The following CSTF1 variants were observed in gnomAD, a reference collection of about 807,000 sequenced individuals.
CSTF1 encodes CF-1 50 kDa subunit.
Under a neutral mutation model 40.9 loss-of-function variants are expected in CSTF1, and 2 were observed. That is an observed-to-expected ratio of 0.05 (90% CI 0.02 to 0.15). The LOEUF (loss-of-function observed/expected upper bound fraction) is 0.15, where lower values mean the gene tolerates loss of function less well. CSTF1 is among the 10% of genes least tolerant of loss of function. The probability of loss-of-function intolerance (pLI) is 1.00; values close to 1 mark genes in which losing one functional copy is unlikely to be tolerated. For missense variants in CSTF1, 279 were observed against 558.9 expected (o/e 0.50, Z 5.05); for synonymous variants, 218 against 207.2 (o/e 1.05, Z -0.45).
chr20:56,397,388 T>C lies in CSTF1; in HGVS notation c.351T>C (p.Ser117=). Residue 117 remains serine, a synonymous_variant, in exon 3 of 6, where the codon AGT becomes AGC. Coordinates refer to ENST00000217109, the MANE Select transcript of CSTF1 (RefSeq NM_001324.3). This position sits in a 1 kb window ranked among gnomAD's most constrained non-coding sequence, Gnocchi z 4.4. ...HKGPCRVATY[S]RDGQLIATGS... ...GACCATGCCGTGTAGCTACCTATAG[T>C]AGAGATGGACAGTTAATAGCTACTG... is the stretch of plus-strand genomic sequence containing the variant. The C allele has an allele frequency of 6.2e-7, 1 of 1,614,164 alleles. No homozygotes were observed. The highest frequency in any genetic ancestry group is 8.5e-7 in the Non-Finnish European group (1 of 1,180,028).
chr20:56,397,065 A>G lies in CSTF1; in HGVS notation c.170-142A>G, dbSNP rs1600729287. On this transcript the variant is annotated intron_variant, in intron 2 of 5. Coordinates refer to ENST00000217109, the MANE Select transcript of CSTF1 (RefSeq NM_001324.3). This position sits in a 1 kb window ranked among gnomAD's most constrained non-coding sequence, Gnocchi z 4.4. ...GCATGGGCAAAATACACAGTTTTGT[A>G]AAGTGTTAGGTGTCACGCGGCTCCA... 1.2e-6 allele frequency: 1 copy of G among 834,850 alleles called. No individual in the cohort carries two copies. The highest frequency in any genetic ancestry group is 1.8e-5 in the South Asian group (1 of 56,068). The allele number at this position is 834,850 out of a possible 1,614,324, so 51.7% of individuals were successfully genotyped here.
At chr20:56,402,136 A>G (rs1978481133) in intron 5 of CSTF1, among the ~76,000 whole-genome samples, 1 of 152,020 alleles carries the variant, frequency 6.6e-6, no homozygotes, top group Admixed American at 6.6e-5. Context: ...GTGAAACCCC[A>G]TCTCTACTAA....
rs768060780 is a variant in CSTF1, at chr20:56,403,661, C to T, written c.1230C>T (p.Pro410=). The T allele has an allele frequency of 5.0e-6, 8 of 1,613,934 alleles. No individual in the cohort carries two copies. Among genetic ancestry groups the T allele is most frequent in the East Asian group, 2.2e-5 (1 of 44,868 alleles). ...VRCIVHSPTN[P]GFMTCSDDFR... is the part of the protein sequence containing the mutation. ...GCATAGTGCACTCCCCCACCAACCC[C>T]GGGTTCATGACGTGCAGCGATGACT... Residue 410 remains proline, a synonymous_variant, in exon 6 of 6, where the codon CCC becomes CCT. Transcript: ENST00000217109.
intron 5 of CSTF1, among the ~76,000 whole-genome samples, chr20:56,400,914 C>G (rs1364848901): frequency 6.6e-6 from 1 of 152,110 alleles, no homozygotes; most frequent in East Asian, 1.9e-4. Context: ...TGGCGGGCGC[C>G]TGTAGTCCCA....
chr20:56,406,070 CT>C lies in CSTF1; in HGVS notation c.*2347del, dbSNP rs1600735043. The C allele has an allele frequency of 6.6e-6, 1 of 152,082 alleles. No individual in the cohort carries two copies. The highest frequency in any genetic ancestry group is 2.4e-5 in the African/African-American group (1 of 41,414). The allele number at this position is 152,082 out of a possible 1,614,324, so 9.4% of individuals were successfully genotyped here. A position where few individuals can be genotyped will look rare whatever the true frequency, so the allele number is the denominator to read the frequency against. ...GACCTGTTTTTAAAAGATCAAGATACTTTTATGTGTTTCAGAAGTAGCTGTT... is the reference window on the plus strand; with the variant it reads ...GACCTGTTTTTAAAAGATCAAGATACTTTATGTGTTTCAGAAGTAGCTGTT... On this transcript the variant is annotated 3_prime_UTR_variant, in exon 6 of 6. Coordinates refer to ENST00000217109, the MANE Select transcript of CSTF1 (RefSeq NM_001324.3).
intron 1 of CSTF1, among the ~76,000 whole-genome samples, chr20:56,393,955 AT>A (rs1368505953): frequency 2.6e-5 from 4 of 152,092 alleles, no homozygotes; most frequent in Non-Finnish European, 5.9e-5. Context: ...TTGGGCTGGC[AT>A]TTCCTGAACT....
At chr20:56,395,484 G>C (rs1987490905) in intron 1 of CSTF1, 37 bp from the exon 2 acceptor site, 5 of 1,413,548 alleles carry the variant, frequency 3.5e-6, no homozygotes, top group Non-Finnish European at 3.9e-6. Context: ...ATTTACTAGA[G>C]CCTGTACCCT....
At chr20:56,400,419 C>T (rs1978400555) in intron 5 of CSTF1, among the ~76,000 whole-genome samples, 1 of 151,930 alleles carries the variant, frequency 6.6e-6, no homozygotes, top group Admixed American at 6.6e-5. Context: ...GTGTTTGTTG[C>T]AAAAAGAAGA....
At chr20:56,396,192 C>G (rs1987513862) in intron 2 of CSTF1, among the ~76,000 whole-genome samples, 1 of 152,126 alleles carries the variant, frequency 6.6e-6, no homozygotes, top group Non-Finnish European at 1.5e-5. Context: ...GCCCCCTTGT[C>G]AAAAAAGACT....
Position 56,405,765 on chromosome 20 carries a change from A to G in CSTF1, c.*2038A>G, listed in dbSNP as rs1468812561. The G allele has an allele frequency of 6.6e-6, 1 of 152,222 alleles. No homozygotes were observed. Among genetic ancestry groups the G allele is most frequent in the African/African-American group, 2.4e-5 (1 of 41,468 alleles). The allele number at this position is 152,222 out of a possible 1,614,324, so 9.4% of individuals were successfully genotyped here. ...GGCCATCTGTGGGTGCTACTCTCGT[A>G]AGACTAAAAGGCACCTACTAAATAC... On this transcript the variant is annotated 3_prime_UTR_variant, in exon 6 of 6. Transcript: ENST00000217109.
chr20:56,406,267 A>G lies in CSTF1; in HGVS notation c.*2540A>G, dbSNP rs1978700023. The G allele has an allele frequency of 6.6e-6, 1 of 152,060 alleles. No homozygotes were observed. Among genetic ancestry groups the G allele is most frequent in the Non-Finnish European group, 1.5e-5 (1 of 68,004 alleles). 9.4% of individuals were successfully genotyped at this position (152,060 alleles called of 1,614,324 possible). A position where few individuals can be genotyped will look rare whatever the true frequency, so the allele number is the denominator to read the frequency against. On this transcript the variant is annotated 3_prime_UTR_variant, in exon 6 of 6. Coordinates refer to ENST00000217109, the MANE Select transcript of CSTF1 (RefSeq NM_001324.3). ...GTACCACACAACACTCTGCCATTCA[A>G]ATAATGAATATCTGGTCAGGATACG...
At position 56,402,267 on chromosome 20, in the gene CSTF1, A is replaced by G. The variant is rs532659006; in HGVS notation, c.1037-1201A>G. On this transcript the variant is annotated intron_variant, in intron 5 of 5. Coordinates refer to ENST00000217109, the MANE Select transcript of CSTF1 (RefSeq NM_001324.3). ...GGTTGCAGTGAGCCGAGATCACACCATTGCACTCCAGCCTGGGCAACAGAG... is the reference window on the plus strand; with the variant it reads ...GGTTGCAGTGAGCCGAGATCACACCGTTGCACTCCAGCCTGGGCAACAGAG... Among the ~76,000 whole-genome samples the G allele has an allele frequency of 1.0e-3, 158 of 151,446 alleles. 1 individual carries two copies. The highest frequency in any genetic ancestry group is 1.9e-3 in the Non-Finnish European group (126 of 67,912).
rs531187141 is a variant in CSTF1 at position 56,397,300 on chromosome 20, A to T, written c.263A>T (p.Asp88Val). Residue 88 changes from aspartate (D) to valine (V), a missense_variant, in exon 3 of 6, where the codon GAT becomes GTT. By Grantham distance (152) the Asp-to-Val change is radical. Around this residue, in one of 4 missense-constraint regions of CSTF1, gnomAD observed 66 missense variants for 148.0 expected, o/e 0.45. Transcript: ENST00000217109. This position sits in a 1 kb window ranked among gnomAD's most constrained non-coding sequence, Gnocchi z 4.4. ...GGGATTGACCTGGAATTTGATGCAG[A>T]TGTTCAGACTATGTCCCCAGAGGCT... ...GTGIDLEFDADVQTMSPEASE... is the reference protein window; with the variant it reads ...GTGIDLEFDAVVQTMSPEASE... 1 of 1,614,222 alleles carries T rather than the reference A, an allele frequency of 6.2e-7. No homozygotes were observed. Among genetic ancestry groups the T allele is most frequent in the Admixed American group, 1.7e-5 (1 of 60,030 alleles).
At chr20:56,395,419 G>A (rs1184669169) in intron 1 of CSTF1, 102 bp from the exon 2 acceptor site, 1 of 671,344 alleles carries the variant, frequency 1.5e-6, no homozygotes, top group Non-Finnish European at 2.4e-6. Context: ...AGTAGAGATG[G>A]GATTTGAGTC....
chr20:56,397,012 G>A lies in CSTF1; in HGVS notation c.170-195G>A. ...AGCCTAACCTTCCAGCAACCCATGT[G>A]GCCTCACAGCGTGGTGAACTTTGAA... On this transcript the variant is annotated intron_variant, in intron 2 of 5. Coordinates refer to ENST00000217109, the MANE Select transcript of CSTF1 (RefSeq NM_001324.3). The surrounding 1 kb of genome is among the most constrained non-coding windows in gnomAD (Gnocchi z 4.4). The A allele has an allele frequency of 1.7e-6, 1 of 581,250 alleles. No individual in the cohort carries two copies. Among genetic ancestry groups the A allele is most frequent in the Non-Finnish European group, 3.0e-6 (1 of 336,060 alleles). 36.0% of individuals were successfully genotyped at this position (581,250 alleles called of 1,614,324 possible).
Position 56,405,858 on chromosome 20 carries a change from T to G in CSTF1, c.*2131T>G, listed in dbSNP as rs1978684422. The G allele has an allele frequency of 1.3e-5, 2 of 152,260 alleles. No homozygotes were observed. Among genetic ancestry groups the G allele is most frequent in the South Asian group, 4.1e-4 (2 of 4,834 alleles). 9.4% of individuals were successfully genotyped at this position (152,260 alleles called of 1,614,324 possible). On this transcript the variant is annotated 3_prime_UTR_variant, in exon 6 of 6. Transcript: ENST00000217109. ...CCTCCCCTGTTCTTTTTTCAGACTT[T>G]CCTTTTGCTTTCAACCTCTTAAACT... is the stretch of plus-strand genomic sequence containing the variant.
At chr20:56,401,767 T>A (rs1417967425) in intron 5 of CSTF1, among the ~76,000 whole-genome samples, 1 of 152,206 alleles carries the variant, frequency 6.6e-6, no homozygotes, top group Non-Finnish European at 1.5e-5. Context: ...AGAGCCTCCT[T>A]TGCATTCTCT....
intron 1 of CSTF1, 68 bp from the exon 2 acceptor site, chr20:56,395,453 G>A (rs1987490101): frequency 1.0e-6 from 1 of 969,162 alleles, no homozygotes; most frequent in African/African-American, 1.6e-5. Flanking sequence ...TCTGACCAAA[G>A]AGTCCTATGT....
rs1987538599 is a variant in CSTF1, at chr20:56,397,092, G to A, written c.170-115G>A. On this transcript the variant is annotated intron_variant, in intron 2 of 5. Coordinates refer to ENST00000217109, the MANE Select transcript of CSTF1 (RefSeq NM_001324.3). The surrounding 1 kb of genome is among the most constrained non-coding windows in gnomAD (Gnocchi z 4.4). The stretch of plus-strand genomic sequence containing the variant: ...AGTGTTAGGTGTCACGCGGCTCCAA[G>A]AAATAGGAGGTTGACACTGGTGAGC... 2.0e-5 allele frequency: 23 copies of A among 1,156,788 alleles called. No individual in the cohort carries two copies. Among genetic ancestry groups the A allele is most frequent in the Non-Finnish European group, 2.7e-5 (22 of 816,090 alleles). The allele number at this position is 1,156,788 out of a possible 1,614,324, so 71.7% of individuals were successfully genotyped here. A position where few individuals can be genotyped will look rare whatever the true frequency, so the allele number is the denominator to read the frequency against.
Sources: allele counts gnomAD v4.1 joint callset (sites outside exome capture counted in the v4.1 genomes callset), GRCh38; gene constraint gnomAD v4.1.1; regional missense constraint gnomAD v4.1.1; non-coding constraint Gnocchi (gnomAD v3.1); transcripts MANE v1.5; gene names NCBI Gene and HGNC (gene_info 2026-07-23, HGNC 2026-07-21).